The following TTLL10 variants were observed in gnomAD, a reference collection of about 807,000 sequenced individuals.
TTLL10 encodes the protein inactive polyglycylase TTLL10.
In TTLL10, 61 loss-of-function variants were observed where a neutral mutation model predicts 69.0. The ratio of observed to expected loss-of-function variants is 0.88; its 90% CI spans 0.72 to 1.09. The LOEUF (loss-of-function observed/expected upper bound fraction) is 1.09. TTLL10 is among the 50% of genes least tolerant of loss of function. The pLI is 0.00. For synonymous variants in TTLL10, 408 were observed against 393.3 expected (o/e 1.04, Z -0.44); for missense variants, 962 against 945.9 (o/e 1.02, Z -0.22).
chr1:1,189,671 CTTTG>C (rs1038971946), intron 13 of TTLL10, among the ~76,000 whole-genome samples: 1 of 152,100 alleles, frequency 6.6e-6, no homozygotes, highest in Non-Finnish European at 1.5e-5. Flanking sequence ...GCTGTTAATT[CTTTG>C]TTTGAAATAA....
At chr1:1,190,796 T>C (rs1285596643) in intron 13 of TTLL10, among the ~76,000 whole-genome samples, 5 of 152,222 alleles carry the variant, frequency 3.3e-5, no homozygotes, top group Non-Finnish European at 5.9e-5. Flanking sequence ...GTTGTCTTCA[T>C]TTTCATTTGT....
chr1:1,182,270 C>A, intron 9 of TTLL10, 91 bp from the exon 10 acceptor site: 1 of 1,176,570 alleles, frequency 8.5e-7, no homozygotes, highest in South Asian at 1.2e-5. Flanking sequence ...CCCACACTCC[C>A]TCCCGCCGGG....
chr1:1,176,524 C>G (rs1386567183), intron 3 of TTLL10: 1 of 390,856 alleles, frequency 2.6e-6, no homozygotes. Context: ...TTTCCCACCT[C>G]CACACCTTTT....
Position 1,197,909 on chromosome 1 carries a change from G to C in TTLL10, c.*62G>C, listed in dbSNP as rs754924978. ...CCCCAGCCGTGCTGCCTGCCCTCAG[G>C]GACCTATAAAGCCCACTTTGCTACA... On this transcript the variant is annotated 3_prime_UTR_variant, in exon 16 of 16. Transcript: ENST00000379289. The C allele has an allele frequency of 5.7e-5, 78 of 1,373,924 alleles. No homozygotes were observed. The highest frequency in any genetic ancestry group is 6.9e-5 in the Non-Finnish European group (74 of 1,066,134). 85.1% of individuals were successfully genotyped at this position (1,373,924 alleles called of 1,614,324 possible).
At position 1,179,247 on chromosome 1, in the gene TTLL10, G is replaced by C; in HGVS notation, c.32G>C (p.Arg11Pro). 6.5e-7 allele frequency: 1 copy of C among 1,549,840 alleles called. No individual in the cohort carries two copies. The highest frequency in any genetic ancestry group is 2.4e-5 in the East Asian group (1 of 40,904). MDHSCTRFIH[R>P]RGPPTRTRAG... ...CACAGCTGCACCCGGTTCATCCACC[G>C]CCGGGGACCACCCACTCGGACCCGA... The change falls in exon 4 of 16, where the codon CGC becomes CCC. Residue 11 changes from arginine (R) to proline (P), a missense_variant. Arg to Pro is a moderately radical substitution (Grantham distance 103). Transcript: ENST00000379289.
intron 13 of TTLL10, among the ~76,000 whole-genome samples, chr1:1,194,981 C>CCT (rs370017189): frequency 2.0e-5 from 3 of 151,584 alleles, no homozygotes; most frequent in South Asian, 4.2e-4. Flanking sequence ...ATTTTTCTTC[C>CCT]CTCTCTCTCT....
At chr1:1,190,247 C>CTT (rs376649547) in intron 13 of TTLL10, among the ~76,000 whole-genome samples, 26 of 142,662 alleles carry the variant, frequency 1.8e-4, no homozygotes, top group African/African-American at 4.4e-4. Flanking sequence ...TTCTTCTCTC[C>CTT]TTTTTTTTTT....
intron 13 of TTLL10, among the ~76,000 whole-genome samples, chr1:1,187,315 C>T (rs1647414204): frequency 6.6e-6 from 1 of 152,048 alleles, no homozygotes; most frequent in Non-Finnish European, 1.5e-5. Context: ...TTTGGTTACT[C>T]ATGCTTTTAG....
intron 8 of TTLL10, 47 bp downstream of exon 8, chr1:1,180,907 GCCTGCCCCTGCC>G (rs1185720690): frequency 2.3e-6 from 3 of 1,299,390 alleles, no homozygotes; most frequent in Non-Finnish European, 3.0e-6. Flanking sequence ...CCGCCCCTAC[GCCTGCCCCTGCC>G]CCTGCCCCTG....
At position 1,180,091 on chromosome 1, in the gene TTLL10, C is replaced by G; in HGVS notation, c.257C>G (p.Pro86Arg). The change falls in exon 6 of 16, where the codon CCA becomes CGA. Residue 86 changes from proline (P) to arginine (R), a missense_variant. Physicochemically the swap from Pro to Arg is moderately radical, Grantham distance 103. Coordinates refer to ENST00000379289, the MANE Select transcript of TTLL10 (RefSeq NM_001130045.2). Reference sequence around the variant, plus strand: ...CAGGAGGAGGGACTCCGGTGTCAGCCAAGCCAGCCAGACCACGACGCAGAT... The same window carrying G: ...CAGGAGGAGGGACTCCGGTGTCAGCGAAGCCAGCCAGACCACGACGCAGAT... Reference protein sequence around the residue: ...SSQEEGLRCQPSQPDHDADGH... With the variant: ...SSQEEGLRCQRSQPDHDADGH... 6.2e-7 allele frequency: 1 copy of G among 1,607,712 alleles called. No homozygotes were observed. Among genetic ancestry groups the G allele is most frequent in the South Asian group, 1.1e-5 (1 of 90,480 alleles).
rs1461417856 is a variant in TTLL10 at position 1,197,088 on chromosome 1, G to C, written c.1519-5G>C. 1.3e-6 allele frequency: 2 copies of C among 1,551,132 alleles called. No homozygotes were observed. The highest frequency in any genetic ancestry group is 4.9e-5 in the East Asian group (2 of 40,910). On this transcript the variant is annotated splice_polypyrimidine_tract_variant and splice_region_variant and intron_variant, in intron 14 of 15. Coordinates refer to ENST00000379289, the MANE Select transcript of TTLL10 (RefSeq NM_001130045.2). Reference sequence around the variant, plus strand: ...TGAGGAGGGACTGACTGGCGTCTGGGGCAGGTATGGCTGCTGGAGATGAAT... The same window carrying C: ...TGAGGAGGGACTGACTGGCGTCTGGCGCAGGTATGGCTGCTGGAGATGAAT...
Position 1,185,901 on chromosome 1 carries a change from G to T in TTLL10, c.1401+792G>T. 1 of 912,488 alleles carries T rather than the reference G, an allele frequency of 1.1e-6. No homozygotes were observed. Among genetic ancestry groups the T allele is most frequent in the Non-Finnish European group, 1.3e-6 (1 of 763,346 alleles). The allele number at this position is 912,488 out of a possible 1,614,324, so 56.5% of individuals were successfully genotyped here. A position where few individuals can be genotyped will look rare whatever the true frequency, so the allele number is the denominator to read the frequency against. Reference sequence around the variant, plus strand: ...AGTGGCTTTTAGTATTTCAAAAGTTGTGCAATTATCACCACCAATTCCAGA... The same window carrying T: ...AGTGGCTTTTAGTATTTCAAAAGTTTTGCAATTATCACCACCAATTCCAGA... On this transcript the variant is annotated intron_variant, in intron 13 of 15. Transcript: ENST00000379289. The surrounding 1 kb of genome is among the most constrained non-coding windows in gnomAD (Gnocchi z 6.1).
rs1342014350 is a variant in TTLL10 at position 1,197,423 on chromosome 1, C to T, written c.1613-15C>T. Reference sequence around the variant, plus strand: ...CTCTGCCCCCCACTCACCCTCTCTCCCCCACCCGCACCAGACCTGGTGCTC... The same window carrying T: ...CTCTGCCCCCCACTCACCCTCTCTCTCCCACCCGCACCAGACCTGGTGCTC... On this transcript the variant is annotated splice_polypyrimidine_tract_variant and intron_variant, in intron 15 of 15. Transcript: ENST00000379289. The T allele has an allele frequency of 6.6e-7, 1 of 1,510,408 alleles. No individual in the cohort carries two copies. The highest frequency in any genetic ancestry group is 2.5e-5 in the East Asian group (1 of 40,582). 93.6% of individuals were successfully genotyped at this position (1,510,408 alleles called of 1,614,324 possible).
In TTLL10 at chr1:1,185,234, G is replaced by A; in HGVS notation, c.1401+125G>A. Reference sequence around the variant, plus strand: ...GGGCGGCTGCGCTGAAGTGTGACCTGACCGTGTGGAACCAAACCCTTCCAG... The same window carrying A: ...GGGCGGCTGCGCTGAAGTGTGACCTAACCGTGTGGAACCAAACCCTTCCAG... On this transcript the variant is annotated intron_variant, in intron 13 of 15. Coordinates refer to ENST00000379289, the MANE Select transcript of TTLL10 (RefSeq NM_001130045.2). This position sits in a 1 kb window ranked among gnomAD's most constrained non-coding sequence, Gnocchi z 6.1. 1 of 1,487,986 alleles carries A rather than the reference G, an allele frequency of 6.7e-7. No homozygotes were observed. The highest frequency in any genetic ancestry group is 1.4e-5 in the South Asian group (1 of 71,746). 92.2% of individuals were successfully genotyped at this position (1,487,986 alleles called of 1,614,324 possible).
rs780432574 is a variant in TTLL10 at position 1,184,049 on chromosome 1, C to A, written c.1218C>A (p.Tyr406Ter). 1 of 1,614,114 alleles carries A rather than the reference C, an allele frequency of 6.2e-7. No homozygotes were observed. The highest frequency in any genetic ancestry group is 8.5e-7 in the Non-Finnish European group (1 of 1,180,028). ...HGYARLTLSL[Y>*]DPHSSDLGGH... ...ATGCTCGCCTCACCCTTAGCCTTTA[C>A]GACCCCCATTCCAGCGACCTCGGCG... The change falls in exon 12 of 16, where the codon TAC becomes TAA. Residue 406 changes from tyrosine (Y) to a stop codon, truncating the protein, a stop_gained. Transcript: ENST00000379289. LOFTEE classifies it high-confidence loss of function.
Position 1,180,248 on chromosome 1 carries a change from G to GA in TTLL10, c.414_415insA (p.Glu139ArgfsTer46), listed in dbSNP as rs1336464448. 1.2e-6 allele frequency: 2 copies of GA among 1,604,546 alleles called. No individual in the cohort carries two copies. Among genetic ancestry groups the GA allele is most frequent in the African/African-American group, 2.7e-5 (2 of 74,750 alleles). Reference sequence around the variant, plus strand: ...CCGCCGGGCCCTCAGCTGCCCTCCTGGAGGGGCTCCTGCTGGGGGGTGGGA... The same window carrying GA: ...CCGCCGGGCCCTCAGCTGCCCTCCTGAGAGGGGCTCCTGCTGGGGGGTGGGA... On this transcript the variant is annotated frameshift_variant, in exon 6 of 16. Transcript: ENST00000379289. LOFTEE classifies it high-confidence loss of function.
At position 1,197,843 on chromosome 1, in the gene TTLL10, C is replaced by T. The variant is rs1648358501; in HGVS notation, c.2018C>T (p.Pro673Leu). Residue 673 changes from proline (P) to leucine (L), a missense_variant, in exon 16 of 16, where the codon CCC becomes CTC. Transcript: ENST00000379289. ...CGCGAGGAGCCTGAGAACGCGAGGC[C>T]CTAGGGGCAGCCACCCGCGCCCAGC... Reference protein sequence around the residue: ...EEREEPENARP With the variant: ...EEREEPENARL The T allele has an allele frequency of 2.7e-6, 4 of 1,477,858 alleles. No homozygotes were observed. The highest frequency in any genetic ancestry group is 2.7e-6 in the Non-Finnish European group (3 of 1,112,888). 91.5% of individuals were successfully genotyped at this position (1,477,858 alleles called of 1,614,324 possible). A position where few individuals can be genotyped will look rare whatever the true frequency, so the allele number is the denominator to read the frequency against.
At chr1:1,187,008 G>A (rs11260550) in intron 13 of TTLL10, among the ~76,000 whole-genome samples, 19,982 of 149,624 alleles carry the variant, frequency 0.13, 2,312 homozygotes, top group East Asian at 0.57. Context: ...CACCACGCCC[G>A]GCTAATTCTT....
Position 1,182,367 on chromosome 1 carries a change from G to A in TTLL10, c.837G>A (p.Leu279=), listed in dbSNP as rs1402200842. The part of the protein sequence containing the change: ...SPGYLRPQRV[L]RMEEFFPETY... ...CTGCCTCCCTGCCCTGCAGGGTCCT[G>A]AGAATGGAAGAGTTTTTCCCAGAGA... The change falls in exon 10 of 16, where the codon CTG becomes CTA. Residue 279 remains leucine, a synonymous_variant. Coordinates refer to ENST00000379289, the MANE Select transcript of TTLL10 (RefSeq NM_001130045.2). 1.9e-6 allele frequency: 3 copies of A among 1,613,848 alleles called. No individual in the cohort carries two copies. Among genetic ancestry groups the A allele is most frequent in the Non-Finnish European group, 8.5e-7 (1 of 1,179,892 alleles).
Sources: gnomAD v4.1 joint callset for allele counts (sites outside exome capture counted in the v4.1 genomes callset) on GRCh38, gnomAD v4.1.1 for gene constraint, Gnocchi (gnomAD v3.1) non-coding constraint, MANE v1.5 for transcripts, NCBI Gene and HGNC (gene_info 2026-07-23, HGNC 2026-07-21) for gene names.